Variants in ROBO1 observed in about 807,000 individuals in gnomAD.
The protein encoded by ROBO1 is roundabout homolog 1.
In ROBO1, 149 loss-of-function variants were observed where a neutral mutation model predicts 195.9. The ratio of observed to expected loss-of-function variants is 0.76; its 90% CI spans 0.67 to 0.87. ROBO1 has a LOEUF of 0.87. ROBO1 is among the 40% of genes least tolerant of loss of function. ROBO1 has a pLI of 0.00. For synonymous variants in ROBO1, 816 were observed against 733.2 expected, an observed-to-expected ratio of 1.11 and a Z score of -1.82; for missense variants, 1,933 against 2,068.3, an observed-to-expected ratio of 0.93 and a Z score of 1.27.
intron 4 of ROBO1, among the ~76,000 whole-genome samples, chr3:78,780,168 A>C (rs2083632222): frequency 6.6e-6 from 1 of 152,110 alleles, no homozygotes. Flanking sequence ...TGACAGGTTG[A>C]TGGGTACAGC....
chr3:78,707,750 T>C (rs112548059), intron 8 of ROBO1, among the ~76,000 whole-genome samples: 2,041 of 152,244 alleles, frequency 0.013, 19 homozygotes, highest in Non-Finnish European at 0.017. Context: ...ACCCATTCTG[T>C]GAGAAGCCTG....
chr3:78,984,788 C>T (rs1345248746), intron 3 of ROBO1, among the ~76,000 whole-genome samples: 6 of 152,140 alleles, frequency 3.9e-5, no homozygotes, highest in Non-Finnish European at 8.8e-5. Context: ...CATAAAAGGG[C>T]AGTATTTAAA....
chr3:79,036,810 C>T (rs1263231898), intron 3 of ROBO1, among the ~76,000 whole-genome samples: 1 of 152,064 alleles, frequency 6.6e-6, no homozygotes, highest in Non-Finnish European at 1.5e-5. Context: ...TCACATTACA[C>T]TATGCTGGAT....
Position 79,685,993 on chromosome 3 carries a change from A to G in ROBO1, c.-51+81759T>C, listed in dbSNP as rs139915901. ...CCTCAATAAAATACTGGCAAACTGA[A>G]TCCAGCAGCACATCAAAAAGCTTAT... is the stretch of plus-strand genomic sequence containing the variant. On this transcript the variant is annotated intron_variant, in intron 1 of 30. Coordinates refer to ENST00000464233, the MANE Select transcript of ROBO1 (RefSeq NM_002941.4). Among the ~76,000 whole-genome samples the G allele has an allele frequency of 9.0e-3, 1,364 of 152,320 alleles. 15 individuals carry two copies. Among genetic ancestry groups the G allele is most frequent in the African/African-American group, 0.032 (1,314 of 41,574 alleles).
At chr3:79,187,975 G>A (rs572014918) in intron 2 of ROBO1, among the ~76,000 whole-genome samples, 4 of 151,844 alleles carry the variant, frequency 2.6e-5, no homozygotes, top group African/African-American at 9.7e-5. Context: ...TGAGCTAAAG[G>A]TCTATTCAAA....
chr3:78,633,894 C>T, intron 24 of ROBO1, 41 bp downstream of exon 24: 2 of 1,351,368 alleles, frequency 1.5e-6, no homozygotes, highest in Non-Finnish European at 2.1e-6. Flanking sequence ...TGGAAAGTAC[C>T]AGCTTTTTAA....
At chr3:78,887,371 A>G (rs554035460) in intron 4 of ROBO1, among the ~76,000 whole-genome samples, 1 of 152,294 alleles carries the variant, frequency 6.6e-6, no homozygotes, top group South Asian at 2.1e-4. Flanking sequence ...TGCCCCTCCA[A>G]TGCTCTATAA....
intron 2 of ROBO1, among the ~76,000 whole-genome samples, chr3:79,546,240 A>C (rs2107656503): frequency 6.6e-6 from 1 of 152,222 alleles, no homozygotes; most frequent in East Asian, 1.9e-4. Flanking sequence ...TAATACATAT[A>C]ATATACAAAA....
At chr3:79,236,052 A>G (rs1222034127) in intron 2 of ROBO1, among the ~76,000 whole-genome samples, 1 of 150,996 alleles carries the variant, frequency 6.6e-6, no homozygotes, top group Admixed American at 6.6e-5. Flanking sequence ...TGTTTTTTAG[A>G]CTCTTTGGTC....
chr3:79,664,622 T>C (rs1167605773), intron 1 of ROBO1, among the ~76,000 whole-genome samples: 2 of 152,070 alleles, frequency 1.3e-5, no homozygotes, highest in African/African-American at 4.8e-5. Context: ...GTCTTCTTAC[T>C]CTCTCAGAGC....
intron 1 of ROBO1, among the ~76,000 whole-genome samples, chr3:79,625,699 A>C (rs939331116): frequency 6.6e-6 from 1 of 152,150 alleles, no homozygotes; most frequent in Non-Finnish European, 1.5e-5. Flanking sequence ...CAAGTTCTGA[A>C]GTTAAGGCAG....
chr3:78,916,790 G>A (rs143960081), intron 4 of ROBO1, among the ~76,000 whole-genome samples: 1 of 152,122 alleles, frequency 6.6e-6, no homozygotes, highest in African/African-American at 2.4e-5. Context: ...GTTCACGTGG[G>A]TAAGGGTCTG....
intron 1 of ROBO1, among the ~76,000 whole-genome samples, chr3:79,641,620 GT>G (rs1250606670): frequency 6.6e-6 from 1 of 152,122 alleles, no homozygotes; most frequent in African/African-American, 2.4e-5. Flanking sequence ...TCTGTGAAAT[GT>G]GAGCCCTCTG....
chr3:78,874,732 C>T (rs2035740607), intron 4 of ROBO1, among the ~76,000 whole-genome samples: 1 of 151,770 alleles, frequency 6.6e-6, no homozygotes, highest in Admixed American at 6.6e-5. Context: ...TTAGCATCAA[C>T]CATTATAAGT....
intron 2 of ROBO1, among the ~76,000 whole-genome samples, chr3:79,272,118 C>T (rs1293807489): frequency 2.0e-5 from 3 of 151,958 alleles, no homozygotes. Context: ...ATTTACTGAG[C>T]ACCTGTAATG....
At chr3:79,550,178 A>AG (rs368522578) in intron 2 of ROBO1, among the ~76,000 whole-genome samples, 2 of 106,904 alleles carry the variant, frequency 1.9e-5, no homozygotes, top group South Asian at 2.9e-4. Flanking sequence ...GAAGAAAGAA[A>AG]GAAAGAAAGA....
At chr3:78,888,532 A>G (rs552346901) in intron 4 of ROBO1, among the ~76,000 whole-genome samples, 295 of 152,336 alleles carry the variant, frequency 1.9e-3, no homozygotes, top group African/African-American at 6.8e-3. Context: ...ACACATATAC[A>G]CACTATTTTT....
intron 3 of ROBO1, among the ~76,000 whole-genome samples, chr3:79,023,953 G>A (rs1469731137): frequency 3.3e-5 from 5 of 149,688 alleles, no homozygotes; most frequent in African/African-American, 1.2e-4. Context: ...CTCGTTATCT[G>A]CCCACCTCAG....
At chr3:79,571,061 T>G (rs1943261674) in intron 2 of ROBO1, among the ~76,000 whole-genome samples, 1 of 152,166 alleles carries the variant, frequency 6.6e-6, no homozygotes. Context: ...ATTATTGTTA[T>G]GCCTGCAGAG....
Sources: gnomAD v4.1 joint callset for allele counts (sites outside exome capture counted in the v4.1 genomes callset) on GRCh38, gnomAD v4.1.1 for gene constraint, MANE v1.5 for transcripts, NCBI Gene and HGNC (gene_info 2026-07-23, HGNC 2026-07-21) for gene names.